Variants in PLXDC2 observed in about 807,000 individuals in gnomAD.
The protein encoded by PLXDC2 is plexin domain containing 2.
Under a neutral mutation model 68.9 loss-of-function variants are expected in PLXDC2, and 40 were observed. That is an observed-to-expected ratio of 0.58 (90% CI 0.45 to 0.76). The LOEUF (loss-of-function observed/expected upper bound fraction) is 0.76, where lower values mean the gene tolerates loss of function less well. Ranked by LOEUF, PLXDC2 falls within the 30% of genes least tolerant of loss-of-function variation. PLXDC2 has a pLI of 0.00. For missense variants in PLXDC2, 644 were observed against 661.9 expected (o/e 0.97, Z 0.30); for synonymous variants, 243 against 234.2 (o/e 1.04, Z -0.34).
chr10:19,828,015 A>G (rs972136958), intron 1 of PLXDC2, among the ~76,000 whole-genome samples: 10 of 152,204 alleles, frequency 6.6e-5, no homozygotes, highest in African/African-American at 2.2e-4. Flanking sequence ...TGATAGTTTA[A>G]TTAAAATGAA....
chr10:20,100,637 T>C (rs1449346229), intron 4 of PLXDC2, among the ~76,000 whole-genome samples: 1 of 152,164 alleles, frequency 6.6e-6, no homozygotes, highest in Non-Finnish European at 1.5e-5. Context: ...GAAATTGCCT[T>C]GGCCTGCAGA....
intron 1 of PLXDC2, among the ~76,000 whole-genome samples, chr10:19,879,931 GA>G: frequency 6.6e-6 from 1 of 152,210 alleles, no homozygotes; most frequent in East Asian, 1.9e-4. Context: ...ATATTATGGT[GA>G]GTTTTGAAAC....
intron 10 of PLXDC2, among the ~76,000 whole-genome samples, chr10:20,212,648 G>C (rs1162525026): frequency 1.3e-5 from 2 of 152,074 alleles, no homozygotes; most frequent in Non-Finnish European, 2.9e-5. Context: ...TGGTTACTTA[G>C]AGACTTTTTA....
intron 1 of PLXDC2, among the ~76,000 whole-genome samples, chr10:19,893,311 G>T (rs1411112788): frequency 6.6e-6 from 1 of 152,036 alleles, no homozygotes; most frequent in Non-Finnish European, 1.5e-5. Flanking sequence ...GTTTGTTGTA[G>T]GAAGCATTAA....
At chr10:20,031,859 T>G (rs913530115) in intron 2 of PLXDC2, among the ~76,000 whole-genome samples, 1 of 152,116 alleles carries the variant, frequency 6.6e-6, no homozygotes, top group African/African-American at 2.4e-5. Flanking sequence ...GGAGTCTCAC[T>G]CTGTCACTCA....
chr10:20,218,963 G>T, intron 11 of PLXDC2, 101 bp from the exon 12 acceptor site: 2 of 1,287,592 alleles, frequency 1.6e-6, no homozygotes, highest in South Asian at 2.7e-5. Flanking sequence ...ATCTAGTCAT[G>T]TTCCGACCAA....
intron 4 of PLXDC2, among the ~76,000 whole-genome samples, chr10:20,120,854 C>T (rs1461841778): frequency 6.6e-6 from 1 of 152,162 alleles, no homozygotes; most frequent in East Asian, 1.9e-4. Context: ...GGGCTAGTGG[C>T]TTGTGCTATA....
At chr10:19,828,091 A>T (rs1313442163) in intron 1 of PLXDC2, among the ~76,000 whole-genome samples, 1 of 152,328 alleles carries the variant, frequency 6.6e-6, no homozygotes, top group East Asian at 1.9e-4. Flanking sequence ...TGGAGGAGTG[A>T]GCTCAACTCA....
At chr10:20,112,876 A>T (rs1040826709) in intron 4 of PLXDC2, among the ~76,000 whole-genome samples, 1 of 152,250 alleles carries the variant, frequency 6.6e-6, no homozygotes, top group Admixed American at 6.5e-5. Flanking sequence ...TTTATCAAAT[A>T]AGCTCATTGC....
chr10:19,835,929 T>TG (rs1470327043), intron 1 of PLXDC2, among the ~76,000 whole-genome samples: 3 of 152,012 alleles, frequency 2.0e-5, no homozygotes, highest in Non-Finnish European at 2.9e-5. Flanking sequence ...TTCAGCACTT[T>TG]GGGGGGCTGA....
At chr10:20,253,567 G>A (rs1372332375) in intron 13 of PLXDC2, among the ~76,000 whole-genome samples, 1 of 152,012 alleles carries the variant, frequency 6.6e-6, no homozygotes, top group Non-Finnish European at 1.5e-5. Flanking sequence ...CAAAATATCT[G>A]CCTTTACTGG....
At chr10:19,889,530 T>C (rs1837911401) in intron 1 of PLXDC2, among the ~76,000 whole-genome samples, 1 of 152,170 alleles carries the variant, frequency 6.6e-6, no homozygotes, top group African/African-American at 2.4e-5. Context: ...AGAGAAAACT[T>C]ATTAAGTGAC....
chr10:20,047,192 A>G (rs1835812536), intron 3 of PLXDC2, among the ~76,000 whole-genome samples, 177 bp downstream of exon 3: 1 of 152,182 alleles, frequency 6.6e-6, no homozygotes, highest in Admixed American at 6.6e-5. Flanking sequence ...TGATTACTGC[A>G]TATAAGATAT....
intron 1 of PLXDC2, among the ~76,000 whole-genome samples, chr10:19,864,930 C>G (rs1837386211): frequency 6.6e-6 from 1 of 152,098 alleles, no homozygotes; most frequent in African/African-American, 2.4e-5. Context: ...GTTGGAAAAG[C>G]CAGAGAAAGC....
At chr10:20,199,120 T>C (rs953940120) in intron 9 of PLXDC2, among the ~76,000 whole-genome samples, 2 of 152,066 alleles carry the variant, frequency 1.3e-5, no homozygotes, top group Non-Finnish European at 2.9e-5. Context: ...TTTATGAATA[T>C]AAATATGGTT....
intron 4 of PLXDC2, among the ~76,000 whole-genome samples, chr10:20,122,172 G>A (rs1833707417): frequency 6.6e-6 from 1 of 152,088 alleles, no homozygotes; most frequent in Non-Finnish European, 1.5e-5. Context: ...TAACTAAAAG[G>A]AATGCTTAAA....
chr10:20,275,101 G>T (rs558473359), intron 13 of PLXDC2, among the ~76,000 whole-genome samples: 80 of 152,240 alleles, frequency 5.3e-4, no homozygotes, highest in African/African-American at 1.8e-3. Flanking sequence ...CAGTCAAACT[G>T]TCGAAGCTAA....
intron 1 of PLXDC2, among the ~76,000 whole-genome samples, chr10:19,818,495 C>T (rs1410330863): frequency 6.6e-6 from 1 of 152,058 alleles, no homozygotes. Context: ...CAGATACTGA[C>T]TCTGCGCTCT....
chr10:19,871,658 T>C (rs1416946101), intron 1 of PLXDC2, among the ~76,000 whole-genome samples: 1 of 151,986 alleles, frequency 6.6e-6, no homozygotes, highest in Non-Finnish European at 1.5e-5. Context: ...GGCAAGTGGA[T>C]CACGTGAGGT....
Sources: allele counts gnomAD v4.1 joint callset (sites outside exome capture counted in the v4.1 genomes callset), GRCh38; gene constraint gnomAD v4.1.1; transcripts MANE v1.5; gene names NCBI Gene and HGNC (gene_info 2026-07-23, HGNC 2026-07-21).